The following RHBDD1 variants were observed in gnomAD, a reference collection of about 807,000 sequenced individuals.
RHBDD1 encodes the protein rhomboid-related protein 4.
RHBDD1 carries 38 observed loss-of-function variants against 36.3 expected under a neutral mutation model. The ratio of observed to expected loss-of-function variants is 1.05; its 90% CI spans 0.81 to 1.37. The LOEUF is 1.37. Ranked by LOEUF, RHBDD1 falls within the 40% of genes most tolerant of loss-of-function variation. The probability of loss-of-function intolerance (pLI) is 0.00; values close to 1 mark genes in which losing one functional copy is unlikely to be tolerated. For synonymous variants in RHBDD1, 151 were observed against 136.5 expected (o/e 1.11, Z -0.74); for missense variants, 393 against 377.6 (o/e 1.04, Z -0.34).
the RHBDD1 span, among the ~76,000 whole-genome samples, chr2:226,808,141 C>T: frequency 1.3e-5 from 2 of 151,970 alleles, no homozygotes; most frequent in African/African-American, 2.4e-5. Flanking sequence ...GATGGTCATT[C>T]GTAAAGATGG....
chr2:226,868,548 C>T (rs1429249694), intron 5 of RHBDD1, among the ~76,000 whole-genome samples: 1 of 152,138 alleles, frequency 6.6e-6, no homozygotes, highest in Non-Finnish European at 1.5e-5. Flanking sequence ...TGGGACTGGA[C>T]GTTGGCAAAG....
chr2:226,915,147 AAG>A (rs1354098412), intron 8 of RHBDD1, among the ~76,000 whole-genome samples: 1 of 152,028 alleles, frequency 6.6e-6, no homozygotes, highest in East Asian at 1.9e-4. Context: ...TCAGGTGACT[AAG>A]AGAGGCTCAA....
At chr2:226,919,906 CTTTGGGT>C (rs1949189595) in intron 8 of RHBDD1, among the ~76,000 whole-genome samples, 1 of 151,954 alleles carries the variant, frequency 6.6e-6, no homozygotes, top group African/African-American at 2.4e-5. Context: ...CTGTAGTTTG[CTTTGGGT>C]AGTATGGACA....
At chr2:226,989,493 G>A (rs1376342859) in intron 8 of RHBDD1, among the ~76,000 whole-genome samples, 1 of 152,218 alleles carries the variant, frequency 6.6e-6, no homozygotes, top group Non-Finnish European at 1.5e-5. Context: ...CACATGTCCA[G>A]TTTGTGAAAA....
At chr2:226,892,873 C>T (rs561971653) in intron 5 of RHBDD1, among the ~76,000 whole-genome samples, 27 of 152,164 alleles carry the variant, frequency 1.8e-4, no homozygotes, top group African/African-American at 6.5e-4. Context: ...AGGACCTTAC[C>T]CCAGAGCAAC....
At chr2:226,906,201 C>G (rs1948040258) in intron 5 of RHBDD1, among the ~76,000 whole-genome samples, 1 of 152,218 alleles carries the variant, frequency 6.6e-6, no homozygotes, top group African/African-American at 2.4e-5. Flanking sequence ...TGCCCTAACT[C>G]ATCTTTCAAG....
At chr2:226,975,845 C>T (rs1402172818) in intron 8 of RHBDD1, among the ~76,000 whole-genome samples, 1 of 152,078 alleles carries the variant, frequency 6.6e-6, no homozygotes, top group East Asian at 1.9e-4. Context: ...ATTTCATTGT[C>T]ACCAATAGAT....
chr2:226,965,681 A>G (rs1323927511), intron 8 of RHBDD1, among the ~76,000 whole-genome samples: 7 of 152,214 alleles, frequency 4.6e-5, no homozygotes, highest in African/African-American at 1.7e-4. Context: ...TACAGGAATT[A>G]GAGTTCAGTC....
At chr2:226,843,309 G>A (rs1941871946) in intron 3 of RHBDD1, among the ~76,000 whole-genome samples, 1 of 152,158 alleles carries the variant, frequency 6.6e-6, no homozygotes, top group Admixed American at 6.5e-5. Context: ...ATACTGTGTT[G>A]AATAGGAGTG....
upstream of RHBDD1, among the ~76,000 whole-genome samples, chr2:226,834,198 G>T (rs1477368539): frequency 2.0e-5 from 3 of 152,244 alleles, no homozygotes; most frequent in African/African-American, 7.2e-5. Flanking sequence ...GAAAGATGTA[G>T]AGAGTGATGG....
chr2:226,965,926 A>G (rs992907663), intron 8 of RHBDD1, among the ~76,000 whole-genome samples: 19 of 152,142 alleles, frequency 1.2e-4, no homozygotes, highest in Non-Finnish European at 2.5e-4. Context: ...ACACAATGAA[A>G]AAAAAAACAT....
chr2:226,845,404 T>C (rs1942109897), intron 3 of RHBDD1, among the ~76,000 whole-genome samples: 1 of 152,228 alleles, frequency 6.6e-6, no homozygotes, highest in Admixed American at 6.5e-5. Flanking sequence ...CAAGTGAAAC[T>C]CTGAAGGTTA....
Position 226,854,161 on chromosome 2 carries a change from C to T in RHBDD1, c.-90-10443C>T, listed in dbSNP as rs1364666607. The stretch of plus-strand genomic sequence containing the variant: ...GATAAATATTTAATATCTGCTAATA[C>T]TTATATGGTACTTATGTTTCAGGCA... On this transcript the variant is annotated intron_variant, in intron 3 of 8. Coordinates refer to ENST00000392062, the MANE Select transcript of RHBDD1 (RefSeq NM_001167608.3). Among the ~76,000 whole-genome samples the T allele has an allele frequency of 2.6e-5, 4 of 152,142 alleles. No homozygotes were observed. In the South Asian group the frequency reaches 6.2e-4, roughly 24 times the overall value.
intron 3 of RHBDD1, among the ~76,000 whole-genome samples, chr2:226,846,477 C>CT (rs1171225870): frequency 6.6e-6 from 1 of 152,178 alleles, no homozygotes; most frequent in East Asian, 1.9e-4. Context: ...CGTACAGTGT[C>CT]TCACGCCTGT....
intron 8 of RHBDD1, among the ~76,000 whole-genome samples, chr2:226,978,468 C>T (rs868858833): frequency 2.0e-5 from 3 of 152,068 alleles, no homozygotes; most frequent in Admixed American, 1.3e-4. Context: ...TGGACCATAC[C>T]GTTTTCTGGT....
chr2:226,989,400 G>T (rs529789598), intron 8 of RHBDD1, among the ~76,000 whole-genome samples: 1 of 152,214 alleles, frequency 6.6e-6, no homozygotes, highest in African/African-American at 2.4e-5. Flanking sequence ...GTAACTGGAA[G>T]GGGGCTTGTG....
chr2:226,982,102 C>T (rs936112058), intron 8 of RHBDD1, among the ~76,000 whole-genome samples: 1 of 152,230 alleles, frequency 6.6e-6, no homozygotes, highest in African/African-American at 2.4e-5. Context: ...TTTTCTTGCC[C>T]AGCAAGCACA....
intron 3 of RHBDD1, among the ~76,000 whole-genome samples, chr2:226,840,942 C>T (rs560135439): frequency 3.3e-5 from 5 of 151,346 alleles, no homozygotes; most frequent in African/African-American, 7.3e-5. Flanking sequence ...AATTTCACTA[C>T]GTTTTTTAAA....
chr2:226,868,291 C>T (rs950608524), intron 5 of RHBDD1, among the ~76,000 whole-genome samples: 8 of 152,104 alleles, frequency 5.3e-5, no homozygotes, highest in African/African-American at 9.7e-5. Flanking sequence ...CTTGGAAATT[C>T]GGAAGGTTAA....
Sources: allele counts gnomAD v4.1 joint callset (sites outside exome capture counted in the v4.1 genomes callset), GRCh38; gene constraint gnomAD v4.1.1; transcripts MANE v1.5; gene names NCBI Gene and HGNC (gene_info 2026-07-23, HGNC 2026-07-21).